Variants in PTGER3 observed in about 807,000 individuals in gnomAD.
PTGER3 encodes prostaglandin E2 receptor EP3 subtype.
PTGER3 carries 22 observed loss-of-function variants against 34.7 expected under a neutral mutation model. The ratio of observed to expected loss-of-function variants is 0.63; its 90% CI spans 0.45 to 0.91. The LOEUF is 0.91. PTGER3 is among the 40% of genes least tolerant of loss of function. The probability of loss-of-function intolerance (pLI) is 0.00; values close to 1 mark genes in which losing one functional copy is unlikely to be tolerated. For missense variants in PTGER3, 468 were observed against 519.4 expected, an observed-to-expected ratio of 0.90 and a Z score of 0.96; for synonymous variants, 241 against 230.1, an observed-to-expected ratio of 1.05 and a Z score of -0.43.
intron 4 of PTGER3, among the ~76,000 whole-genome samples, chr1:70,873,326 G>A (rs1646202986): frequency 6.6e-6 from 1 of 152,116 alleles, no homozygotes; most frequent in African/African-American, 2.4e-5. Flanking sequence ...TTTGATTATT[G>A]TGTCTTTTCT....
rs145271634 is a variant in PTGER3, at chr1:70,941,080, T to C, written c.*23+12683A>G. Among the ~76,000 whole-genome samples, 1,087 of 152,322 alleles carry C rather than the reference T, an allele frequency of 7.1e-3. 13 individuals are homozygous for C. The highest frequency in any genetic ancestry group is 0.025 in the African/African-American group (1,043 of 41,582). On this transcript the variant is annotated intron_variant, in intron 4 of 4. Coordinates refer to the PTGER3 transcript ENST00000370931. ...TTGTTTTTTCAATATACTTGATAGATACTTGCAACAGCATAGGGTTATTAA... is the reference window on the plus strand; with the variant it reads ...TTGTTTTTTCAATATACTTGATAGACACTTGCAACAGCATAGGGTTATTAA...
chr1:71,009,358 A>C, intron 2 of PTGER3: 1 of 978,884 alleles, frequency 1.0e-6, no homozygotes, highest in Non-Finnish European at 1.2e-6. Flanking sequence ...TATATTTCAG[A>C]CTAGTTTAAA....
intron 1 of PTGER3, among the ~76,000 whole-genome samples, chr1:71,035,737 C>G (rs1400780714): frequency 6.6e-6 from 1 of 152,216 alleles, no homozygotes; most frequent in East Asian, 1.9e-4. Context: ...GGCCCTGCCT[C>G]CCTCCCTAGC....
At chr1:70,994,810 T>G (rs6671227) in intron 2 of PTGER3, among the ~76,000 whole-genome samples, 51,119 of 152,060 alleles carry the variant, frequency 0.34, 9,109 homozygotes, top group South Asian at 0.44. Context: ...GCCTTTTTTT[T>G]ATTTGTACTA....
chr1:70,977,443 C>T (rs953850127), intron 2 of PTGER3, among the ~76,000 whole-genome samples: 2 of 151,944 alleles, frequency 1.3e-5, no homozygotes, highest in South Asian at 2.1e-4. Context: ...TCCATCATGT[C>T]ATTAATAGTT....
chr1:71,042,675 AAAC>A (rs1182045916), intron 1 of PTGER3, among the ~76,000 whole-genome samples: 5 of 152,214 alleles, frequency 3.3e-5, no homozygotes, highest in African/African-American at 1.2e-4. Context: ...ATATGCTATA[AAAC>A]AACATTATTT....
chr1:71,007,420 G>A, intron 2 of PTGER3: 3 of 985,618 alleles, frequency 3.0e-6, no homozygotes, highest in Admixed American at 6.1e-5. Flanking sequence ...AATGGCCTGA[G>A]TGAACTTATC....
chr1:70,869,305 A>G (rs1368536181), intron 4 of PTGER3: 3 of 471,518 alleles, frequency 6.4e-6, no homozygotes, highest in Non-Finnish European at 1.3e-5. Flanking sequence ...AACACCTTCC[A>G]TCAGGCCCCA....
intron 3 of PTGER3, among the ~76,000 whole-genome samples, chr1:70,973,286 A>G (rs1365964160): frequency 6.6e-6 from 1 of 152,050 alleles, no homozygotes; most frequent in Non-Finnish European, 1.5e-5. Flanking sequence ...ACGTAGACAG[A>G]TAGATGTGGG....
At chr1:71,012,166 G>A in intron 2 of PTGER3, 139 bp downstream of exon 2, 2 of 1,567,926 alleles carry the variant, frequency 1.3e-6, no homozygotes, top group Non-Finnish European at 1.7e-6. Context: ...GTAAGGTTTA[G>A]CGATATTTGT....
At position 70,970,813 on chromosome 1, in the gene PTGER3, A is replaced by G. The variant is rs192578548; in HGVS notation, c.*917T>C. ...AGAAGTCCACAAAGTTTTTTATTTT[A>G]ATACAGACAAAATAGATTCTTTTAT... On this transcript the variant is annotated 3_prime_UTR_variant, in exon 4 of 4. Transcript: ENST00000306666. The G allele has an allele frequency of 1.7e-5, 15 of 873,510 alleles. No homozygotes were observed. The Admixed American group carries it at 8.7e-4, about 50-fold the overall frequency. The allele number at this position is 873,510 out of a possible 1,614,324, so 54.1% of individuals were successfully genotyped here.
chr1:70,900,386 G>A (rs1203010828), intron 4 of PTGER3, among the ~76,000 whole-genome samples: 2 of 152,134 alleles, frequency 1.3e-5, no homozygotes, highest in African/African-American at 4.8e-5. Context: ...TTCTCATTCT[G>A]AGTGTCAGCC....
At chr1:70,999,083 C>A (rs981900801) in intron 2 of PTGER3, among the ~76,000 whole-genome samples, 1 of 152,074 alleles carries the variant, frequency 6.6e-6, no homozygotes, top group African/African-American at 2.4e-5. Context: ...GGGTTGAATT[C>A]ATTCAAATAA....
chr1:70,966,342 A>G (rs1050935178), downstream of PTGER3, among the ~76,000 whole-genome samples: 3 of 152,154 alleles, frequency 2.0e-5, no homozygotes, highest in Admixed American at 1.3e-4. Context: ...ATCACCACTA[A>G]AGAACTTACT....
rs199901147 is a variant in PTGER3, at chr1:70,981,251, CTTT to C, written c.1078-6866_1078-6864del. Among the ~76,000 whole-genome samples, 14 of 151,636 alleles carry C rather than the reference CTTT, an allele frequency of 9.2e-5. No homozygotes were observed. In the South Asian group the frequency reaches 1.3e-3, roughly 14 times the overall value. The stretch of plus-strand genomic sequence containing the variant: ...ATACTATTGTTTCTTTTTCTTTCTC[CTTT>C]TTTTTCTTTTCTTTTTCCTTTTCTT... On this transcript the variant is annotated intron_variant, in intron 2 of 3. Transcript: ENST00000306666.
At chr1:70,856,979 C>A (rs753890522) in intron 4 of PTGER3, among the ~76,000 whole-genome samples, 2 of 152,202 alleles carry the variant, frequency 1.3e-5, no homozygotes, top group Non-Finnish European at 2.9e-5. Flanking sequence ...AACTTGCCTT[C>A]TTTTAAGTCT....
intron 2 of PTGER3, chr1:71,009,221 T>C: frequency 8.1e-6 from 8 of 985,324 alleles, no homozygotes; most frequent in Non-Finnish European, 9.6e-6. Flanking sequence ...AGTTTGTCTG[T>C]CACTCAATGC....
At chr1:70,996,386 T>C (rs925976893) in intron 2 of PTGER3, among the ~76,000 whole-genome samples, 3 of 152,144 alleles carry the variant, frequency 2.0e-5, no homozygotes, top group African/African-American at 7.2e-5. Flanking sequence ...AAAACTTCCC[T>C]GTTTAAGTAA....
At chr1:70,916,714 C>T (rs1647181934) in intron 4 of PTGER3, among the ~76,000 whole-genome samples, 1 of 151,888 alleles carries the variant, frequency 6.6e-6, no homozygotes, top group South Asian at 2.1e-4. Context: ...ATAGATACTG[C>T]AGACAACTGG....
Sources: gnomAD v4.1 joint callset for allele counts (sites outside exome capture counted in the v4.1 genomes callset) on GRCh38, gnomAD v4.1.1 for gene constraint, MANE v1.5 for transcripts, NCBI Gene and HGNC (gene_info 2026-07-23, HGNC 2026-07-21) for gene names.